Variants in HID1 observed in about 807,000 individuals in gnomAD.
The protein encoded by HID1 is HID1 domain containing.
Under a neutral mutation model 89.7 loss-of-function variants are expected in HID1, and 42 were observed. The observed-to-expected ratio is 0.47, with a 90% CI of 0.37 to 0.61. The LOEUF (loss-of-function observed/expected upper bound fraction) is 0.61. HID1 is among the 20% of genes least tolerant of loss of function. The pLI is 0.00. For missense variants in HID1, 854 were observed against 1,039.3 expected (o/e 0.82, Z 2.45); for synonymous variants, 442 against 433.8 (o/e 1.02, Z -0.24).
chr17:74,951,872 C>A, intron 18 of HID1, 33 bp downstream of exon 18: 1 of 1,485,366 alleles, frequency 6.7e-7, no homozygotes, highest in East Asian at 2.4e-5. Context: ...GGCAGGCTCT[C>A]AGGTGGACAC....
At chr17:74,966,178 A>G in intron 1 of HID1, among the ~76,000 whole-genome samples, 1 of 145,872 alleles carries the variant, frequency 6.9e-6, no homozygotes, top group East Asian at 2.1e-4. Flanking sequence ...CCAGCTACTC[A>G]GGAGGCTGAG....
Position 74,964,379 on chromosome 17 carries a change from G to GGGCT in HID1, c.216+100_216+103dup, listed in dbSNP as rs1033865004. ...AGTGGAAGAGCTGAGTGAGGCCACA[G>GGGCT]GGCTGCCTGCCCCTGTGGGGCGGGA... On this transcript the variant is annotated intron_variant, in intron 2 of 18. Coordinates refer to ENST00000425042, the MANE Select transcript of HID1 (RefSeq NM_030630.3). 2.3e-5 allele frequency: 30 copies of GGGCT among 1,310,276 alleles called. 2 individuals carry two copies. Among genetic ancestry groups the GGGCT allele is most frequent in the East Asian group, 1.3e-4 (5 of 39,664 alleles). 81.2% of individuals were successfully genotyped at this position (1,310,276 alleles called of 1,614,324 possible). A position where few individuals can be genotyped will look rare whatever the true frequency, so the allele number is the denominator to read the frequency against.
rs1022683514 is a variant in HID1 at position 74,962,464 on chromosome 17, A to T, written c.505-124T>A. ...GCAGAGACCGCCAGTTCTCCTAAAG[A>T]CAGGTCCTCAAAATGGCCTGGCCCT... On this transcript the variant is annotated intron_variant, in intron 4 of 18. Coordinates refer to ENST00000425042, the MANE Select transcript of HID1 (RefSeq NM_030630.3). The surrounding 1 kb of genome is among the most constrained non-coding windows in gnomAD (Gnocchi z 4.3). The T allele has an allele frequency of 6.8e-6, 4 of 591,012 alleles. No individual in the cohort carries two copies. The highest frequency in any genetic ancestry group is 1.2e-5 in the Non-Finnish European group (4 of 327,948). The allele number at this position is 591,012 out of a possible 1,614,324, so 36.6% of individuals were successfully genotyped here.
intron 6 of HID1, among the ~76,000 whole-genome samples, chr17:74,961,094 G>C (rs376770974): frequency 2.0e-5 from 3 of 152,110 alleles, no homozygotes; most frequent in East Asian, 3.9e-4. Flanking sequence ...AGGAGCTGTC[G>C]AGCCCTTGGA....
At position 74,961,972 on chromosome 17, in the gene HID1, A is replaced by G; in HGVS notation, c.629T>C (p.Leu210Pro). Residue 210 changes from leucine to proline, a missense_variant, in exon 6 of 19, where the codon CTG (leucine) becomes CCG (proline). Coordinates refer to ENST00000425042, the MANE Select transcript of HID1 (RefSeq NM_030630.3). ...GGCCTCGGAGAAGCATGTCAGCAGCAGTTTCAGCAGCTCCATCCTTGTAGG... is the reference window on the plus strand; with the variant it reads ...GGCCTCGGAGAAGCATGTCAGCAGCGGTTTCAGCAGCTCCATCCTTGTAGG... ...HDMNRMELLK[L>P]LLTCFSEAMY... 2 of 1,590,708 alleles carry G rather than the reference A, an allele frequency of 1.3e-6. No individual in the cohort carries two copies. Among genetic ancestry groups the G allele is most frequent in the East Asian group, 2.3e-5 (1 of 43,948 alleles).
At chr17:74,966,893 T>C (rs2039571397) in intron 1 of HID1, among the ~76,000 whole-genome samples, 1 of 152,076 alleles carries the variant, frequency 6.6e-6, no homozygotes, top group African/African-American at 2.4e-5. Context: ...TGCAGTAAGC[T>C]GTGATGGCAC....
Position 74,958,659 on chromosome 17 carries a change from C to CA in HID1, c.1240+13dup. ...AGGAAAGCCCCCAGCATCCCACCCC[C>CA]ACCCTGGTCTTACACTGATCGGCCC... is the stretch of plus-strand genomic sequence containing the variant. On this transcript the variant is annotated intron_variant, in intron 10 of 18. Coordinates refer to ENST00000425042, the MANE Select transcript of HID1 (RefSeq NM_030630.3). This position sits in a 1 kb window ranked among gnomAD's most constrained non-coding sequence, Gnocchi z 5.2. The CA allele has an allele frequency of 6.5e-7, 1 of 1,538,560 alleles. No homozygotes were observed. The highest frequency in any genetic ancestry group is 1.4e-5 in the African/African-American group (1 of 73,140).
chr17:74,964,374 C>A, intron 2 of HID1, 109 bp downstream of exon 2: 1 of 1,248,636 alleles, frequency 8.0e-7, no homozygotes, highest in South Asian at 1.5e-5. Flanking sequence ...CTGAGTGAGG[C>A]CACAGGGCTG....
chr17:74,952,781 G>T (rs1358264654), intron 16 of HID1, among the ~76,000 whole-genome samples: 1 of 152,214 alleles, frequency 6.6e-6, no homozygotes, highest in African/African-American at 2.4e-5. Context: ...TCTGGCAACA[G>T]TGTAGACAGA....
Position 74,958,371 on chromosome 17 carries a change from C to T in HID1, c.1348G>A (p.Asp450Asn). The T allele has an allele frequency of 6.2e-7, 1 of 1,613,080 alleles. No individual in the cohort carries two copies. Among genetic ancestry groups the T allele is most frequent in the Non-Finnish European group, 8.5e-7 (1 of 1,179,636 alleles). ...TGGGTCCCTGTGAAGACTGGGATGTCCATGGGCACGCGGATTGAGTAGGGT... is the reference window on the plus strand; with the variant it reads ...TGGGTCCCTGTGAAGACTGGGATGTTCATGGGCACGCGGATTGAGTAGGGT... ...NKPYSIRVPM[D>N]IPVFTGTHAD... The change falls in exon 11 of 19, where the codon GAC becomes AAC. Residue 450 changes from aspartate to asparagine, a missense_variant. By Grantham distance (23) the Asp-to-Asn change is conservative (BLOSUM62 1). Coordinates refer to ENST00000425042, the MANE Select transcript of HID1 (RefSeq NM_030630.3). This position sits in a 1 kb window ranked among gnomAD's most constrained non-coding sequence, Gnocchi z 5.2.
chr17:74,955,644 A>G (rs942715590), intron 13 of HID1, 148 bp downstream of exon 13: 21 of 687,496 alleles, frequency 3.1e-5, no homozygotes, highest in Non-Finnish European at 4.4e-5. Context: ...GTAGATGCTC[A>G]ATAAATGTAC....
At chr17:74,957,821 A>G in intron 12 of HID1, 1 of 320,202 alleles carries the variant, frequency 3.1e-6, no homozygotes, top group Non-Finnish European at 6.0e-6. Flanking sequence ...AATTGCTTGA[A>G]CCCAAGGGGC....
chr17:74,953,168 G>T, intron 15 of HID1, 82 bp from the exon 16 acceptor site: 1 of 1,175,164 alleles, frequency 8.5e-7, no homozygotes, highest in Non-Finnish European at 1.2e-6. Context: ...CCTCTCCACT[G>T]GCAGCTGGAA....
chr17:74,972,600 G>A lies in HID1; in HGVS notation c.57C>T (p.Thr19=), dbSNP rs1489640269. Reference sequence around the variant, plus strand: ...GGCCCCCGTGGCGCACCTGCGTCTTGGTGGTGAGCTGGATCACCGCCTTCC... The same window carrying A: ...GGCCCCCGTGGCGCACCTGCGTCTTAGTGGTGAGCTGGATCACCGCCTTCC... ...NFRKAVIQLT[T]KTQPVEATDD... The change falls in exon 1 of 19, where the codon ACC becomes ACT. Residue 19 remains threonine (T), a synonymous_variant. Coordinates refer to ENST00000425042, the MANE Select transcript of HID1 (RefSeq NM_030630.3). This position sits in a 1 kb window ranked among gnomAD's most constrained non-coding sequence, Gnocchi z 6.4. The A allele has an allele frequency of 6.5e-7, 1 of 1,548,292 alleles. No homozygotes were observed. Among genetic ancestry groups the A allele is most frequent in the Non-Finnish European group, 8.7e-7 (1 of 1,145,454 alleles).
chr17:74,962,055 G>T lies in HID1; in HGVS notation c.612-66C>A. On this transcript the variant is annotated intron_variant, in intron 5 of 18. Coordinates refer to ENST00000425042, the MANE Select transcript of HID1 (RefSeq NM_030630.3). This position sits in a 1 kb window ranked among gnomAD's most constrained non-coding sequence, Gnocchi z 4.3. Reference sequence around the variant, plus strand: ...CCCTCTTGGAGGTTCTGCCCACCCAGCCCAGCGCCCCAGCCCAGGTCCATG... The same window carrying T: ...CCCTCTTGGAGGTTCTGCCCACCCATCCCAGCGCCCCAGCCCAGGTCCATG... The T allele has an allele frequency of 7.8e-7, 1 of 1,285,856 alleles. No homozygotes were observed. The highest frequency in any genetic ancestry group is 1.1e-6 in the Non-Finnish European group (1 of 940,500). The allele number at this position is 1,285,856 out of a possible 1,614,324, so 79.7% of individuals were successfully genotyped here.
chr17:74,958,794 G>A lies in HID1; in HGVS notation c.1150-31C>T. The A allele has an allele frequency of 1.2e-6, 2 of 1,607,278 alleles. No individual in the cohort carries two copies. Among genetic ancestry groups the A allele is most frequent in the South Asian group, 2.2e-5 (2 of 90,520 alleles). On this transcript the variant is annotated intron_variant, in intron 9 of 18. Coordinates refer to ENST00000425042, the MANE Select transcript of HID1 (RefSeq NM_030630.3). This position sits in a 1 kb window ranked among gnomAD's most constrained non-coding sequence, Gnocchi z 5.2. Reference sequence around the variant, plus strand: ...GGTGCGGGGAGGGGCCAAGTGGGCTGAGTTCAAGGGAGGGGCAGCTCTGCC... The same window carrying A: ...GGTGCGGGGAGGGGCCAAGTGGGCTAAGTTCAAGGGAGGGGCAGCTCTGCC...
Position 74,961,754 on chromosome 17 carries a change from C to T in HID1, c.728+119G>A, listed in dbSNP as rs1357536174. ...GAGGTGTGGCTGGTAAGTTAAAGTT[C>T]ATCACCACCAGGGGGCAGCACCTCC... On this transcript the variant is annotated intron_variant, in intron 6 of 18. Coordinates refer to ENST00000425042, the MANE Select transcript of HID1 (RefSeq NM_030630.3). 4.3e-5 allele frequency: 22 copies of T among 509,080 alleles called. No individual in the cohort carries two copies. The East Asian group carries it at 5.8e-4, about 13-fold the overall frequency. The allele number at this position is 509,080 out of a possible 1,614,324, so 31.5% of individuals were successfully genotyped here.
At chr17:74,953,731 TTATTTG>T in intron 14 of HID1, 80 bp from the exon 15 acceptor site, 1 of 1,137,794 alleles carries the variant, frequency 8.8e-7, no homozygotes, top group East Asian at 2.4e-5. Flanking sequence ...TTTTTTATTT[TTATTTG>T]TTTTACTCCT....
Position 74,958,028 on chromosome 17 carries a change from T to A in HID1, c.1471+113A>T, listed in dbSNP as rs973280740. ...GGCTACTATGAAGGGTACACAAGCT[T>A]GCGTTCTTTCTGTGGGCTGGAGGGG... On this transcript the variant is annotated intron_variant, in intron 12 of 18. Transcript: ENST00000425042. This position sits in a 1 kb window ranked among gnomAD's most constrained non-coding sequence, Gnocchi z 5.2. The A allele has an allele frequency of 2.3e-6, 2 of 876,120 alleles. No homozygotes were observed. The highest frequency in any genetic ancestry group is 3.6e-6 in the Non-Finnish European group (2 of 557,402). 54.3% of individuals were successfully genotyped at this position (876,120 alleles called of 1,614,324 possible).
Sources: gnomAD v4.1 joint callset for allele counts (sites outside exome capture counted in the v4.1 genomes callset) on GRCh38, gnomAD v4.1.1 for gene constraint, Gnocchi (gnomAD v3.1) non-coding constraint, MANE v1.5 for transcripts, NCBI Gene and HGNC (gene_info 2026-07-23, HGNC 2026-07-21) for gene names.